Variants in KALRN observed in about 807,000 individuals in gnomAD.
The protein encoded by KALRN is kalirin RhoGEF kinase.
KALRN carries 70 observed loss-of-function variants against 353.7 expected under a neutral mutation model. The ratio of observed to expected loss-of-function variants is 0.20; its 90% CI spans 0.16 to 0.24. The LOEUF (loss-of-function observed/expected upper bound fraction) is 0.24, where lower values mean the gene tolerates loss of function less well. Among genes scored for constraint, KALRN ranks in the 10% least tolerant of loss-of-function variants. The pLI, the probability that KALRN is intolerant of heterozygous loss-of-function variation, is 1.00. For missense variants in KALRN, 2,791 were observed against 3,756.7 expected, an observed-to-expected ratio of 0.74 and a Z score of 6.72; for synonymous variants, 1,391 against 1,434.8, an observed-to-expected ratio of 0.97 and a Z score of 0.69.
intron 34 of KALRN, chr3:124,585,021 G>A (rs914686205): frequency 2.3e-6 from 3 of 1,287,962 alleles, no homozygotes; most frequent in African/African-American, 1.5e-5. Context: ...AGGCGGATGG[G>A]GCTGGGGATC....
intron 10 of KALRN, among the ~76,000 whole-genome samples, chr3:124,354,500 G>T (rs1294291108): frequency 2.0e-5 from 3 of 152,122 alleles, no homozygotes; most frequent in Non-Finnish European, 4.4e-5. Flanking sequence ...TTAAAGTTGA[G>T]GGAGAAAATT....
intron 25 of KALRN, among the ~76,000 whole-genome samples, chr3:124,467,858 G>A (rs557197470): frequency 1.2e-3 from 190 of 152,156 alleles, no homozygotes; most frequent in Non-Finnish European, 1.6e-3. Flanking sequence ...ACCATGAAGT[G>A]GACAGATAAT....
chr3:124,421,944 G>A (rs945604983), intron 14 of KALRN, among the ~76,000 whole-genome samples: 4 of 152,186 alleles, frequency 2.6e-5, no homozygotes, highest in African/African-American at 9.7e-5. Context: ...ATTGACTCAA[G>A]GCTCCCATTG....
intron 34 of KALRN, among the ~76,000 whole-genome samples, chr3:124,622,148 T>G (rs1341109020): frequency 6.6e-6 from 1 of 151,496 alleles, no homozygotes; most frequent in African/African-American, 2.4e-5. Flanking sequence ...GAAAGCAATA[T>G]GAATGAGTTT....
At chr3:124,075,274 G>A (rs1324823207) in intron 1 of KALRN, among the ~76,000 whole-genome samples, 1 of 152,196 alleles carries the variant, frequency 6.6e-6, no homozygotes, top group African/African-American at 2.4e-5. Flanking sequence ...GGACTCCCAG[G>A]TGGGTGCCAT....
chr3:124,339,504 T>C (rs529324370), intron 9 of KALRN, among the ~76,000 whole-genome samples: 1 of 152,300 alleles, frequency 6.6e-6, no homozygotes, highest in Non-Finnish European at 1.5e-5. Flanking sequence ...ATTGGGCATT[T>C]CAAGTGGTGC....
chr3:124,325,907 T>C, intron 6 of KALRN, 73 bp from the exon 7 acceptor site: 1 of 1,310,166 alleles, frequency 7.6e-7, no homozygotes. Flanking sequence ...CTTCCCCAAA[T>C]ATGTACCCCA....
Position 124,058,856 on chromosome 3 carries a change from A to T in KALRN, c.73+25043A>T, listed in dbSNP as rs190160288. On this transcript the variant is annotated intron_variant, in intron 1 of 59. Coordinates refer to ENST00000682506, the MANE Select transcript of KALRN (RefSeq NM_001388419.1). ...ATTTTATATATTTGTATATATTTTT[A>T]AAAAAACTATATTATTTCTATACTG... Among the ~76,000 whole-genome samples the T allele has an allele frequency of 1.0e-3, 157 of 152,200 alleles. 2 individuals are homozygous for T. The highest frequency in any genetic ancestry group is 9.3e-3 in the South Asian group (45 of 4,828).
chr3:124,146,892 A>AAAAAAG (rs1207543539), intron 1 of KALRN, among the ~76,000 whole-genome samples: 2 of 150,386 alleles, frequency 1.3e-5, no homozygotes, highest in Admixed American at 6.6e-5. Flanking sequence ...AAAAAAAAAA[A>AAAAAAG]AAGAAAAGAA....
At chr3:124,423,369 G>A (rs1016419188) in intron 15 of KALRN, among the ~76,000 whole-genome samples, 1 of 152,222 alleles carries the variant, frequency 6.6e-6, no homozygotes, top group Non-Finnish European at 1.5e-5. Context: ...GGCACTGTGT[G>A]CCTGACACAA....
chr3:124,212,556 A>C (rs894570219), intron 1 of KALRN, among the ~76,000 whole-genome samples: 1 of 152,176 alleles, frequency 6.6e-6, no homozygotes, highest in African/African-American at 2.4e-5. Context: ...TTGGGGCCAC[A>C]TTAAAAAGTA....
intron 34 of KALRN, among the ~76,000 whole-genome samples, chr3:124,596,197 A>G (rs1374036190): frequency 1.3e-5 from 2 of 151,986 alleles, no homozygotes; most frequent in Non-Finnish European, 2.9e-5. Flanking sequence ...AAAAAAAAAA[A>G]AAAGGACCAG....
intron 1 of KALRN, among the ~76,000 whole-genome samples, chr3:124,192,544 CGAA>C (rs1560193858): frequency 6.6e-6 from 1 of 152,060 alleles, no homozygotes; most frequent in Non-Finnish European, 1.5e-5. Flanking sequence ...ATTTGTAACT[CGAA>C]GGATAAATGC....
intron 33 of KALRN, among the ~76,000 whole-genome samples, chr3:124,542,338 T>C (rs919108180): frequency 2.0e-5 from 3 of 152,174 alleles, no homozygotes; most frequent in African/African-American, 7.2e-5. Context: ...GAGCCTCAAA[T>C]TTCTGTTGAG....
intron 1 of KALRN, among the ~76,000 whole-genome samples, chr3:124,170,831 C>CTTTTTTTTTTTTTTTT (rs752783614): frequency 8.5e-5 from 4 of 47,148 alleles, no homozygotes; most frequent in African/African-American, 1.6e-4. Flanking sequence ...CTTCCACATT[C>CTTTTTTTTTTTTTTTT]TTTTTTTTTT....
At position 124,268,678 on chromosome 3, in the gene KALRN, C is replaced by T. The variant is rs569888191; in HGVS notation, c.457-65C>T. 206 of 1,523,266 alleles carry T rather than the reference C, an allele frequency of 1.4e-4. 1 individual carries two copies. The African/African-American group carries it at 2.4e-3, about 18-fold the overall frequency. The allele number at this position is 1,523,266 out of a possible 1,614,324, so 94.4% of individuals were successfully genotyped here. A position where few individuals can be genotyped will look rare whatever the true frequency, so the allele number is the denominator to read the frequency against. ...GGATTTATCTTGTCCTTTCCCTCAT[C>T]CTATTTCTGCCCTGTTCTTCCCCTG... On this transcript the variant is annotated intron_variant, in intron 4 of 59. Transcript: ENST00000682506.
intron 9 of KALRN, among the ~76,000 whole-genome samples, chr3:124,341,695 C>A (rs150416920): frequency 6.8e-4 from 103 of 152,320 alleles, no homozygotes; most frequent in African/African-American, 2.5e-3. Context: ...TATTAAGCAA[C>A]TACTCTGTGC....
At chr3:124,202,135 G>A (rs941799693) in intron 1 of KALRN, among the ~76,000 whole-genome samples, 2 of 152,230 alleles carry the variant, frequency 1.3e-5, no homozygotes, top group Non-Finnish European at 2.9e-5. Flanking sequence ...TGCTTGGCAT[G>A]TTTCATCTAC....
chr3:124,040,147 G>A (rs1285266675), intron 1 of KALRN, among the ~76,000 whole-genome samples: 1 of 152,096 alleles, frequency 6.6e-6, no homozygotes, highest in Non-Finnish European at 1.5e-5. Flanking sequence ...ATCCCTTGAG[G>A]GATGAAAGGA....
Sources: gnomAD v4.1 joint callset for allele counts (sites outside exome capture counted in the v4.1 genomes callset) on GRCh38, gnomAD v4.1.1 for gene constraint, MANE v1.5 for transcripts, NCBI Gene and HGNC (gene_info 2026-07-23, HGNC 2026-07-21) for gene names.